Variants in SNCAIP observed in about 807,000 individuals in gnomAD.
SNCAIP encodes the protein synuclein alpha interacting protein.
Under a neutral mutation model 86.7 loss-of-function variants are expected in SNCAIP, and 43 were observed. The ratio of observed to expected loss-of-function variants is 0.50; its 90% CI spans 0.39 to 0.64. The LOEUF (loss-of-function observed/expected upper bound fraction) is 0.64, where lower values mean the gene tolerates loss of function less well. Among genes scored for constraint, SNCAIP ranks in the 30% least tolerant of loss-of-function variants. The probability of loss-of-function intolerance (pLI) is 0.00; values close to 1 mark genes in which losing one functional copy is unlikely to be tolerated. For missense variants in SNCAIP, 981 were observed against 1,103.1 expected (o/e 0.89, Z 1.57); for synonymous variants, 417 against 427.2 (o/e 0.98, Z 0.29).
chr5:122,440,807 C>G (rs750453907), intron 7 of SNCAIP, 53 bp downstream of exon 7: 1 of 1,528,418 alleles, frequency 6.5e-7, no homozygotes, highest in Non-Finnish European at 9.1e-7. Context: ...AAATATTAAA[C>G]AAAACATTAA....
In SNCAIP at chr5:122,390,233, G is replaced by A. The variant is rs148427858; in HGVS notation, c.-46-856G>A. ...CTGATTTTGCTATCTGAGAGTTGGC[G>A]CTGCAGAAGATAACTGCACACCAAG... On this transcript the variant is annotated intron_variant, in intron 1 of 10. Coordinates refer to ENST00000261368, the MANE Select transcript of SNCAIP (RefSeq NM_005460.4). Among the ~76,000 whole-genome samples, 395 of 152,278 alleles carry A rather than the reference G, an allele frequency of 2.6e-3. 6 individuals are homozygous for A. Among genetic ancestry groups the A allele is most frequent in the African/African-American group, 9.1e-3 (379 of 41,568 alleles).
At chr5:122,345,577 C>T (rs1758443322) in intron 1 of SNCAIP, among the ~76,000 whole-genome samples, 1 of 152,124 alleles carries the variant, frequency 6.6e-6, no homozygotes, top group South Asian at 2.1e-4. Flanking sequence ...GCCTGAAACC[C>T]CAACTCCCAT....
Position 122,447,704 on chromosome 5 carries a change from A to T in SNCAIP, c.1593-2141A>T, listed in dbSNP as rs1373445994. On this transcript the variant is annotated intron_variant, in intron 8 of 10. Coordinates refer to ENST00000261368, the MANE Select transcript of SNCAIP (RefSeq NM_005460.4). ...TTTTTTTCATTAGACCAGAATCAGC[A>T]AATTATAGACTGTGGACCAAATCTA... 2.0e-5 allele frequency among the ~76,000 whole-genome samples: 3 copies of T among 152,340 alleles called. No homozygotes were observed. In the East Asian group the frequency reaches 5.8e-4, roughly 29 times the overall value.
chr5:122,417,042 A>G (rs1379863481), intron 3 of SNCAIP, among the ~76,000 whole-genome samples: 2 of 152,180 alleles, frequency 1.3e-5, no homozygotes, highest in Non-Finnish European at 2.9e-5. Flanking sequence ...TTTTCTTTCT[A>G]TTCTTGATGT....
chr5:122,379,902 C>G (rs374986930), intron 1 of SNCAIP, among the ~76,000 whole-genome samples: 47 of 152,160 alleles, frequency 3.1e-4, no homozygotes, highest in East Asian at 1.7e-3. Flanking sequence ...ACTTGATCAT[C>G]GTGGATAAGC....
At chr5:122,365,622 T>C (rs967422407) in intron 1 of SNCAIP, among the ~76,000 whole-genome samples, 2 of 152,208 alleles carry the variant, frequency 1.3e-5, no homozygotes, top group Non-Finnish European at 2.9e-5. Flanking sequence ...GAGATTGCAG[T>C]GAGCCAAGAT....
At chr5:122,404,974 CT>C (rs1772659205) in intron 3 of SNCAIP, among the ~76,000 whole-genome samples, 1 of 152,080 alleles carries the variant, frequency 6.6e-6, no homozygotes, top group Non-Finnish European at 1.5e-5. Flanking sequence ...CAAATAAAAG[CT>C]TTTACTTACC....
intron 1 of SNCAIP, among the ~76,000 whole-genome samples, chr5:122,339,633 A>G (rs541925947): frequency 6.6e-6 from 1 of 151,776 alleles, no homozygotes; most frequent in East Asian, 1.9e-4. Context: ...TCTTGATTCA[A>G]ATCTTTGTGG....
chr5:122,393,857 A>G (rs1769996256), intron 2 of SNCAIP, among the ~76,000 whole-genome samples: 1 of 152,202 alleles, frequency 6.6e-6, no homozygotes, highest in Non-Finnish European at 1.5e-5. Context: ...AGCCAGAATC[A>G]TATTGTTCTA....
intron 4 of SNCAIP, 59 bp from the exon 5 acceptor site, chr5:122,425,290 ACTC>A (rs879070255): frequency 3.0e-6 from 4 of 1,335,700 alleles, no homozygotes; most frequent in Non-Finnish European, 4.3e-6. Context: ...CCAGAGAAAA[ACTC>A]CTACAGGGTC....
intron 1 of SNCAIP, among the ~76,000 whole-genome samples, chr5:122,315,399 A>G (rs535308390): frequency 1.3e-5 from 2 of 152,318 alleles, no homozygotes; most frequent in East Asian, 3.8e-4. Context: ...CTGCAATGCA[A>G]AAGCAACTTT....
intron 6 of SNCAIP, among the ~76,000 whole-genome samples, chr5:122,437,881 T>C (rs1405211576): frequency 6.6e-6 from 1 of 152,180 alleles, no homozygotes; most frequent in African/African-American, 2.4e-5. Flanking sequence ...TCCCCACAGA[T>C]TTCCACAATG....
chr5:122,444,320 G>T, intron 7 of SNCAIP: 5 of 566,236 alleles, frequency 8.8e-6, no homozygotes, highest in African/African-American at 1.9e-5. Flanking sequence ...ATAAAGGAGA[G>T]CACACTATGG....
intron 2 of SNCAIP, among the ~76,000 whole-genome samples, chr5:122,394,117 A>G (rs1770068983): frequency 6.6e-6 from 1 of 151,798 alleles, no homozygotes; most frequent in Non-Finnish European, 1.5e-5. Context: ...AGAAACCTCC[A>G]TCTCTGACAG....
intron 1 of SNCAIP, among the ~76,000 whole-genome samples, chr5:122,339,079 A>T (rs1757060156): frequency 6.6e-6 from 1 of 152,196 alleles, no homozygotes; most frequent in Non-Finnish European, 1.5e-5. Flanking sequence ...GATACTGACA[A>T]ATTGAATGGT....
Position 122,400,493 on chromosome 5 carries a change from A to G in SNCAIP, c.58-3300A>G, listed in dbSNP as rs139881488. Among the ~76,000 whole-genome samples the G allele has an allele frequency of 2.0e-5, 3 of 152,358 alleles. No individual in the cohort carries two copies. In the East Asian group the frequency reaches 5.8e-4, roughly 29 times the overall value. The stretch of plus-strand genomic sequence containing the variant: ...TGTGCCATGCACATATACAAGTCAA[A>G]AATATCATTCTTTCCCTCAAGTGCT... On this transcript the variant is annotated intron_variant, in intron 2 of 10. Transcript: ENST00000261368.
At chr5:122,315,735 TA>T (rs1751573814) in intron 1 of SNCAIP, among the ~76,000 whole-genome samples, 1 of 152,094 alleles carries the variant, frequency 6.6e-6, no homozygotes, top group Non-Finnish European at 1.5e-5. Flanking sequence ...ACAATGATAA[TA>T]AAATTTTAGT....
chr5:122,364,131 C>T (rs113127491), intron 1 of SNCAIP, among the ~76,000 whole-genome samples: 116 of 152,276 alleles, frequency 7.6e-4, no homozygotes, highest in African/African-American at 2.7e-3. Flanking sequence ...AGAGCAACTC[C>T]ATCTTGAATA....
intron 3 of SNCAIP, among the ~76,000 whole-genome samples, chr5:122,413,821 T>A (rs1431723057): frequency 6.6e-6 from 1 of 152,168 alleles, no homozygotes; most frequent in African/African-American, 2.4e-5. Flanking sequence ...TTACCGGTGA[T>A]AAAATGACTA....
Sources: allele counts gnomAD v4.1 joint callset (sites outside exome capture counted in the v4.1 genomes callset), GRCh38; gene constraint gnomAD v4.1.1; transcripts MANE v1.5; gene names NCBI Gene and HGNC (gene_info 2026-07-23, HGNC 2026-07-21).